The following USP14 variants were observed in gnomAD, a reference collection of about 807,000 sequenced individuals.
USP14 encodes the protein ubiquitin carboxyl-terminal hydrolase 14.
Under a neutral mutation model 76.5 loss-of-function variants are expected in USP14, and 38 were observed. The observed-to-expected ratio is 0.50, with a 90% CI of 0.38 to 0.65. The LOEUF (loss-of-function observed/expected upper bound fraction) is 0.65, where lower values mean the gene tolerates loss of function less well. Among genes scored for constraint, USP14 ranks in the 30% least tolerant of loss-of-function variants. The pLI is 0.00. For missense variants in USP14, 467 were observed against 586.5 expected (o/e 0.80, Z 2.10); for synonymous variants, 192 against 191.7 (o/e 1.00, Z -0.01).
At chr18:176,217 T>G (rs1276089880) in intron 3 of USP14, among the ~76,000 whole-genome samples, 2 of 152,168 alleles carry the variant, frequency 1.3e-5, no homozygotes, top group Non-Finnish European at 2.9e-5. Context: ...CTCTTTGCTT[T>G]CTTTCTTTCT....
At chr18:193,208 C>T (rs1466834560) in intron 6 of USP14, among the ~76,000 whole-genome samples, 2 of 152,170 alleles carry the variant, frequency 1.3e-5, no homozygotes, top group East Asian at 1.9e-4. Context: ...CGGGTTTTAT[C>T]ATAATCCATG....
Position 197,340 on chromosome 18 carries a change from C to T in USP14, c.595-276C>T, listed in dbSNP as rs140349579. On this transcript the variant is annotated intron_variant, in intron 7 of 15. Coordinates refer to ENST00000261601, the MANE Select transcript of USP14 (RefSeq NM_005151.4). ...GTTTCCATCCTGCTTTTTTTCGCTT[C>T]ATAACCCTTATCTCTACTTGAATTT... Among the ~76,000 whole-genome samples the T allele has an allele frequency of 4.4e-4, 67 of 152,302 alleles. 1 individual carries two copies. In the East Asian group the frequency reaches 0.011, roughly 25 times the overall value.
intron 3 of USP14, among the ~76,000 whole-genome samples, chr18:174,304 C>T (rs1377481581): frequency 5.4e-5 from 8 of 147,374 alleles, no homozygotes; most frequent in African/African-American, 1.8e-4. Flanking sequence ...CTTGCTCTGA[C>T]GCCCAGGCTG....
chr18:163,278 TA>T, intron 1 of USP14, 29 bp from the exon 2 acceptor site: 2 of 1,560,300 alleles, frequency 1.3e-6, no homozygotes, highest in East Asian at 4.8e-5. Context: ...TGTTATTTTT[TA>T]ATTAAAAAAA....
intron 5 of USP14, among the ~76,000 whole-genome samples, chr18:184,933 A>G (rs1411898654): frequency 1.3e-5 from 2 of 152,140 alleles, no homozygotes; most frequent in East Asian, 1.9e-4. Context: ...ATGCCGCCCA[A>G]CAGTGGAATC....
chr18:211,088 G>A (rs752100111), intron 15 of USP14, 45 bp from the exon 16 acceptor site: 45 of 1,582,324 alleles, frequency 2.8e-5, no homozygotes, highest in South Asian at 4.5e-5. Context: ...ACTCTGAGAC[G>A]AATCCTGCAT....
Position 205,095 on chromosome 18 carries a change from C to T in USP14, c.1164+403C>T, listed in dbSNP as rs1267990607. 5.3e-5 allele frequency among the ~76,000 whole-genome samples: 8 copies of T among 152,088 alleles called. No homozygotes were observed. In the East Asian group the frequency reaches 5.8e-4, roughly 11 times the overall value. On this transcript the variant is annotated intron_variant, in intron 13 of 15. Coordinates refer to ENST00000261601, the MANE Select transcript of USP14 (RefSeq NM_005151.4). ...TTTGCCATGTTGCTGAGGCTAGTCT[C>T]GAACTCCTGAGCTCAGGCGATCTGC...
At chr18:180,828 A>G (rs113443950) in intron 5 of USP14, among the ~76,000 whole-genome samples, 29 of 147,996 alleles carry the variant, frequency 2.0e-4, no homozygotes, top group South Asian at 6.5e-4. Flanking sequence ...CCTCATTCCT[A>G]TTTTATGGCT....
In USP14 at chr18:198,114, G is replaced by T. The variant is rs761855721; in HGVS notation, c.743G>T (p.Gly248Val). The part of the protein sequence containing the change: ...KKKSLIDQFF[G>V]VEFETTMKCT... The stretch of plus-strand genomic sequence containing the variant: ...AAAAGTTTAATCGATCAGTTCTTCG[G>T]TGTTGAGTTTGAAACTACGTATCCT... Residue 248 changes from glycine to valine, a missense_variant, in exon 9 of 16, where the codon GGT becomes GTT. Coordinates refer to ENST00000261601, the MANE Select transcript of USP14 (RefSeq NM_005151.4). 1 of 1,608,816 alleles carries T rather than the reference G, an allele frequency of 6.2e-7. No individual in the cohort carries two copies. Among genetic ancestry groups the T allele is most frequent in the Admixed American group, 1.7e-5 (1 of 59,970 alleles).
In USP14 at chr18:209,978, A is replaced by G. The variant is rs1910626626; in HGVS notation, c.1172A>G (p.Lys391Arg). The change falls in exon 14 of 16, where the codon AAA (lysine) becomes AGA (arginine). Residue 391 changes from lysine to arginine, a missense_variant. Coordinates refer to ENST00000261601, the MANE Select transcript of USP14 (RefSeq NM_005151.4). ...ACATTTTTTTCTCCTCAGAGTGACA[A>G]AAAGAGTAGTCCCCAGAAAGAAGTT... is the stretch of plus-strand genomic sequence containing the variant. The part of the protein sequence containing the change: ...KVNQQPNTSD[K>R]KSSPQKEVKY... 3 of 1,601,138 alleles carry G rather than the reference A, an allele frequency of 1.9e-6. No homozygotes were observed. The highest frequency in any genetic ancestry group is 2.6e-6 in the Non-Finnish European group (3 of 1,175,814).
At chr18:175,814 T>C (rs1909611521) in intron 3 of USP14, among the ~76,000 whole-genome samples, 1 of 152,186 alleles carries the variant, frequency 6.6e-6, no homozygotes, top group South Asian at 2.1e-4. Flanking sequence ...ATATTTTTTC[T>C]TTAAATGTTG....
chr18:172,196 C>T (rs920527598), intron 3 of USP14, among the ~76,000 whole-genome samples: 6 of 152,094 alleles, frequency 3.9e-5, no homozygotes, highest in African/African-American at 1.4e-4. Context: ...TATGATTGTG[C>T]CACTGCACTC....
chr18:193,012 T>TGG, intron 6 of USP14, 112 bp downstream of exon 6: 1 of 758,092 alleles, frequency 1.3e-6, no homozygotes, highest in Non-Finnish European at 2.0e-6. Context: ...TCATTAAGCC[T>TGG]GGAGTGTACA....
intron 2 of USP14, among the ~76,000 whole-genome samples, chr18:165,228 T>G (rs1229050605): frequency 6.6e-6 from 1 of 152,218 alleles, no homozygotes; most frequent in East Asian, 1.9e-4. Flanking sequence ...ATTACAGGCG[T>G]GAGCCACCAC....
rs753397491 is a variant in USP14, at chr18:178,918, T to C, written c.196-15T>C. ...CTTTTAAGGATTTTCATGAAATTAC[T>C]TTTTTTAAAAACAGGGAATGACTCT... On this transcript the variant is annotated splice_polypyrimidine_tract_variant and intron_variant, in intron 3 of 15. Transcript: ENST00000261601. The C allele has an allele frequency of 6.3e-7, 1 of 1,582,044 alleles. No homozygotes were observed. Among genetic ancestry groups the C allele is most frequent in the East Asian group, 2.2e-5 (1 of 44,554 alleles).
At chr18:187,440 T>A (rs1909960719) in intron 5 of USP14, among the ~76,000 whole-genome samples, 1 of 152,206 alleles carries the variant, frequency 6.6e-6, no homozygotes. Flanking sequence ...CAATACGCCT[T>A]TCTCCCTCTA....
At chr18:198,229 A>C (rs1910293150) in intron 9 of USP14, 97 bp downstream of exon 9, 4 of 1,115,650 alleles carry the variant, frequency 3.6e-6, no homozygotes, top group Non-Finnish European at 3.7e-6. Flanking sequence ...GGTAGAAGAA[A>C]AATTCTTCAG....
At chr18:193,001 C>G (rs1910133154) in intron 6 of USP14, 101 bp downstream of exon 6, 1 of 894,256 alleles carries the variant, frequency 1.1e-6, no homozygotes, top group Non-Finnish European at 1.7e-6. Context: ...AAAACATCAC[C>G]TCATTAAGCC....
At chr18:197,898 C>A (rs1166766250) in intron 8 of USP14, 149 bp from the exon 9 acceptor site, 2 of 758,698 alleles carry the variant, frequency 2.6e-6, no homozygotes, top group Non-Finnish European at 4.1e-6. Flanking sequence ...AAACTTAATT[C>A]ATTGTTGATT....
Sources: allele counts gnomAD v4.1 joint callset (sites outside exome capture counted in the v4.1 genomes callset), GRCh38; gene constraint gnomAD v4.1.1; transcripts MANE v1.5; gene names NCBI Gene and HGNC (gene_info 2026-07-23, HGNC 2026-07-21).